The following RTF2 variants were observed in gnomAD, a reference collection of about 807,000 sequenced individuals.
RTF2 encodes the protein UPF0549 protein C20orf43.
Under a neutral mutation model 38.0 loss-of-function variants are expected in RTF2, and 18 were observed. That is an observed-to-expected ratio of 0.47 (90% CI 0.33 to 0.70). RTF2 has a LOEUF of 0.70. Among genes scored for constraint, RTF2 ranks in the 30% least tolerant of loss-of-function variants. The pLI, the probability that RTF2 is intolerant of heterozygous loss-of-function variation, is 0.02. For missense variants in RTF2, 311 were observed against 379.6 expected, an observed-to-expected ratio of 0.82 and a Z score of 1.50; for synonymous variants, 126 against 137.1, an observed-to-expected ratio of 0.92 and a Z score of 0.57.
rs1449152286 is a variant in RTF2, at chr20:56,477,006, TCTGATAATC to T, written c.284_292del (p.Asp95_Pro97del). ...CCAGAATGTGACAGAGCTGAAGCTT[TCTGATAATC>T]CTGCCTGGGAAGGGGATAAAGGAAA... is the stretch of plus-strand genomic sequence containing the variant. On this transcript the variant is annotated inframe_deletion, in exon 4 of 9. Coordinates refer to ENST00000357348, the MANE Select transcript of RTF2 (RefSeq NM_016407.5). The T allele has an allele frequency of 2.5e-6, 4 of 1,614,004 alleles. No homozygotes were observed. In the Admixed American group the frequency reaches 6.7e-5, roughly 27 times the overall value.
In RTF2 at chr20:56,484,145, T is replaced by C; in HGVS notation, c.433T>C (p.Ser145Pro). The C allele has an allele frequency of 6.2e-7, 1 of 1,614,210 alleles. No homozygotes were observed. Among genetic ancestry groups the C allele is most frequent in the Non-Finnish European group, 8.5e-7 (1 of 1,180,026 alleles). ...CCTTCGGTGCTGCGGCTGTGTGTTTTCTGAGCGAGCCTTGAAAGAGATAAA... is the reference window on the plus strand; with the variant it reads ...CCTTCGGTGCTGCGGCTGTGTGTTTCCTGAGCGAGCCTTGAAAGAGATAAA... The part of the protein sequence containing the change: ...CFLRCCGCVF[S>P]ERALKEIKAE... The change falls in exon 5 of 9, where the codon TCT becomes CCT. Residue 145 changes from serine (S) to proline (P), a missense_variant. Physicochemically the swap from Ser to Pro is moderately conservative, Grantham distance 74. Transcript: ENST00000357348.
chr20:56,477,266 C>A, intron 4 of RTF2, 142 bp downstream of exon 4: 1 of 894,784 alleles, frequency 1.1e-6, no homozygotes, highest in South Asian at 1.6e-5. Context: ...GGAAATGGTG[C>A]TTGGTCATGA....
chr20:56,517,126 G>A lies in RTF2; in HGVS notation c.667G>A (p.Val223Ile), dbSNP rs369544029. Residue 223 changes from valine to isoleucine, a missense_variant, in exon 8 of 9, where the codon GTT (valine) becomes ATT (isoleucine). By Grantham distance (29) the Val-to-Ile change is conservative (BLOSUM62 3). Coordinates refer to ENST00000357348, the MANE Select transcript of RTF2 (RefSeq NM_016407.5). ...TACAGAAGCCCCAGGGCCATCAAAA[G>A]TTAAGACAGGGAAGCCTGAAGAAGC... Reference protein sequence around the residue: ...VSEEAPGPSKVKTGKPEEASL... With the variant: ...VSEEAPGPSKIKTGKPEEASL... The A allele has an allele frequency of 5.0e-6, 8 of 1,614,084 alleles. No individual in the cohort carries two copies. The African/African-American group carries it at 1.1e-4, about 22-fold the overall frequency.
intron 5 of RTF2, among the ~76,000 whole-genome samples, chr20:56,492,892 T>A (rs922587472): frequency 6.6e-6 from 1 of 151,784 alleles, no homozygotes; most frequent in African/African-American, 2.4e-5. Flanking sequence ...AAAAAACGTA[T>A]CTTGGCTGGG....
chr20:56,507,041 TC>T, intron 5 of RTF2, among the ~76,000 whole-genome samples: 1 of 152,290 alleles, frequency 6.6e-6, no homozygotes, highest in Non-Finnish European at 1.5e-5. Flanking sequence ...TCTTTGGACA[TC>T]TGAGTTTCAA....
intron 6 of RTF2, among the ~76,000 whole-genome samples, 187 bp downstream of exon 6, chr20:56,513,615 C>T (rs552110475): frequency 6.6e-6 from 1 of 152,132 alleles, no homozygotes; most frequent in Admixed American, 6.5e-5. Flanking sequence ...GTGGTGAGCA[C>T]GGCGGCTCTG....
At chr20:56,471,578 A>G (rs988611331) in intron 1 of RTF2, 1 of 142,984 alleles carries the variant, frequency 7.0e-6, no homozygotes, top group Non-Finnish European at 1.6e-5. Context: ...AAAAAAAAAC[A>G]AAACAAAACA....
At chr20:56,478,350 C>G (rs996403759) in intron 4 of RTF2, among the ~76,000 whole-genome samples, 2 of 151,934 alleles carry the variant, frequency 1.3e-5, no homozygotes, top group African/African-American at 2.4e-5. Flanking sequence ...TTTTAATTAG[C>G]CAGCCATGGT....
At chr20:56,491,787 C>T in intron 5 of RTF2, 3 of 1,546,264 alleles carry the variant, frequency 1.9e-6, no homozygotes, top group Admixed American at 2.0e-5. Flanking sequence ...TAGCGGCCTG[C>T]AGAAAGAAAC....
intron 5 of RTF2, among the ~76,000 whole-genome samples, chr20:56,512,955 A>G (rs904641912): frequency 1.3e-5 from 2 of 152,140 alleles, no homozygotes; most frequent in African/African-American, 4.8e-5. Context: ...ATGTTCCAGA[A>G]TTCCACACTC....
chr20:56,498,727 T>A (rs555393864), intron 5 of RTF2, among the ~76,000 whole-genome samples: 7 of 152,346 alleles, frequency 4.6e-5, no homozygotes, highest in African/African-American at 1.7e-4. Flanking sequence ...ATAGGTAACA[T>A]GTCAAGCTTT....
Position 56,513,331 on chromosome 20 carries a change from A to G in RTF2, c.494A>G (p.Gln165Arg), listed in dbSNP as rs1458237195. 19 of 1,602,832 alleles carry G rather than the reference A, an allele frequency of 1.2e-5. No individual in the cohort carries two copies. Among genetic ancestry groups the G allele is most frequent in the Non-Finnish European group, 1.5e-5 (18 of 1,175,284 alleles). The change falls in exon 6 of 9, where the codon CAG becomes CGG. Residue 165 changes from glutamine (Q) to arginine (R), a missense_variant. Coordinates refer to ENST00000357348, the MANE Select transcript of RTF2 (RefSeq NM_016407.5). The part of the protein sequence containing the change: ...EVCHTCGAAF[Q>R]EDDVIMLNGT... ...CCTCTCCAGTGTGGGGCTGCCTTCC[A>G]GGAGGATGATGTCATCATGCTCAAT...
chr20:56,512,885 A>C (rs181237521), intron 5 of RTF2, among the ~76,000 whole-genome samples: 1 of 152,052 alleles, frequency 6.6e-6, no homozygotes, highest in Admixed American at 6.6e-5. Context: ...CAGGGAAGCA[A>C]ATGAGAGACT....
At chr20:56,515,337 C>T (rs539697277) in intron 6 of RTF2, among the ~76,000 whole-genome samples, 9 of 152,038 alleles carry the variant, frequency 5.9e-5, no homozygotes, top group East Asian at 5.8e-4. Flanking sequence ...TTTGGGAGGC[C>T]GAGGCAAGCA....
At chr20:56,471,241 G>C (rs1007763815) in intron 1 of RTF2, among the ~76,000 whole-genome samples, 1 of 152,200 alleles carries the variant, frequency 6.6e-6, no homozygotes, top group African/African-American at 2.4e-5. Context: ...AAGTGTTCTG[G>C]AAGTATTGAG....
chr20:56,478,629 T>C (rs1379418286), intron 4 of RTF2, among the ~76,000 whole-genome samples: 4 of 152,220 alleles, frequency 2.6e-5, no homozygotes, highest in Non-Finnish European at 5.9e-5. Context: ...CAGCGAGTCA[T>C]CATCTTTTTG....
intron 5 of RTF2, among the ~76,000 whole-genome samples, chr20:56,484,684 C>T (rs116671727): frequency 8.9e-4 from 136 of 152,362 alleles, no homozygotes; most frequent in African/African-American, 3.1e-3. Flanking sequence ...GAGCACGTAG[C>T]GTGCCCTCAG....
At chr20:56,497,658 C>G (rs1272982089) in intron 5 of RTF2, 2 of 1,206,208 alleles carry the variant, frequency 1.7e-6, no homozygotes, top group Non-Finnish European at 2.1e-6. Context: ...GTATTTTTTC[C>G]TTTAAGCTTC....
chr20:56,495,663 C>G (rs1344410106), intron 5 of RTF2, among the ~76,000 whole-genome samples: 1 of 152,092 alleles, frequency 6.6e-6, no homozygotes, highest in Non-Finnish European at 1.5e-5. Context: ...TCTGTAACAG[C>G]CCTCGGAGAT....
Sources: gnomAD v4.1 joint callset for allele counts (sites outside exome capture counted in the v4.1 genomes callset) on GRCh38, gnomAD v4.1.1 for gene constraint, MANE v1.5 for transcripts, NCBI Gene and HGNC (gene_info 2026-07-23, HGNC 2026-07-21) for gene names.